WWOX: variants seen among roughly 807,000 people sequenced by gnomAD.
The protein encoded by WWOX is WW domain-containing oxidoreductase.
In WWOX, 69 loss-of-function variants were observed where a neutral mutation model predicts 46.2. That is an observed-to-expected ratio of 1.49 (90% CI 1.23 to 1.82). WWOX has a LOEUF of 1.82. WWOX is among the 40% of genes most tolerant of loss of function. The probability of loss-of-function intolerance (pLI) is 0.00; values close to 1 mark genes in which losing one functional copy is unlikely to be tolerated. For missense variants in WWOX, 919 were observed against 542.6 expected (o/e 1.69, Z -6.89); for synonymous variants, 359 against 202.6 (o/e 1.77, Z -6.56).
chr16:78,695,538 C>T (rs544699097), intron 8 of WWOX, among the ~76,000 whole-genome samples: 1 of 152,156 alleles, frequency 6.6e-6, no homozygotes, highest in Non-Finnish European at 1.5e-5. Context: ...GCAGATCCCA[C>T]CTGTGAGGCT....
chr16:78,228,349 T>C lies in WWOX; in HGVS notation c.516+64060T>C, dbSNP rs559776188. On this transcript the variant is annotated intron_variant, in intron 5 of 8. Transcript: ENST00000566780. ...GGAATCATATTCTCTCTTTTTTTTT[T>C]TTTTTTTTTTTGGAGATGGTCTCAC... Among the ~76,000 whole-genome samples, 3 of 149,548 alleles carry C rather than the reference T, an allele frequency of 2.0e-5. No homozygotes were observed. The East Asian group carries it at 5.9e-4, about 30-fold the overall frequency.
At chr16:78,786,846 T>C (rs2050469840) in intron 8 of WWOX, among the ~76,000 whole-genome samples, 1 of 152,244 alleles carries the variant, frequency 6.6e-6, no homozygotes, top group Admixed American at 6.5e-5. Context: ...ATTTACATAA[T>C]GTAAAATTTA....
rs192413317 is a variant in WWOX at position 79,145,795 on chromosome 16, C to G, written c.1057-65813C>G. ...ATATATACAAATTAGCTGGTATATACTAGTTATAATTTAAGATGGAGATAG... is the reference window on the plus strand; with the variant it reads ...ATATATACAAATTAGCTGGTATATAGTAGTTATAATTTAAGATGGAGATAG... On this transcript the variant is annotated intron_variant, in intron 8 of 8. Coordinates refer to ENST00000566780, the MANE Select transcript of WWOX (RefSeq NM_016373.4). Among the ~76,000 whole-genome samples, 10 of 152,084 alleles carry G rather than the reference C, an allele frequency of 6.6e-5. No homozygotes were observed. In the East Asian group the frequency reaches 1.7e-3, roughly 26 times the overall value.
intron 8 of WWOX, among the ~76,000 whole-genome samples, chr16:78,481,862 C>G (rs554429393): frequency 2.1e-4 from 32 of 150,932 alleles, no homozygotes; most frequent in Non-Finnish European, 4.2e-4. Context: ...TATTAATCTT[C>G]TTGGGGCTGG....
intron 8 of WWOX, among the ~76,000 whole-genome samples, chr16:79,029,484 T>C (rs901078815): frequency 2.0e-5 from 3 of 152,230 alleles, no homozygotes; most frequent in East Asian, 3.8e-4. Context: ...TCTGAAGTTA[T>C]ACTATTTTAG....
intron 5 of WWOX, among the ~76,000 whole-genome samples, chr16:78,212,155 A>G (rs566644715): frequency 1.6e-4 from 24 of 152,316 alleles, no homozygotes; most frequent in African/African-American, 5.5e-4. Context: ...ACCTGGCCTC[A>G]GCTGTAGAGC....
intron 8 of WWOX, among the ~76,000 whole-genome samples, chr16:78,853,880 T>C (rs2052508297): frequency 6.6e-6 from 1 of 152,160 alleles, no homozygotes; most frequent in Non-Finnish European, 1.5e-5. Flanking sequence ...TGTCTGTCTG[T>C]CATATGAAGA....
At chr16:78,772,225 G>T (rs62038568) in intron 8 of WWOX, among the ~76,000 whole-genome samples, 12 of 152,148 alleles carry the variant, frequency 7.9e-5, no homozygotes, top group African/African-American at 2.7e-4. Flanking sequence ...CCCAGTGTCT[G>T]TTGTTCTTTC....
intron 8 of WWOX, among the ~76,000 whole-genome samples, chr16:79,042,493 T>C (rs75333298): frequency 0.011 from 1,716 of 152,304 alleles, 35 homozygotes; most frequent in African/African-American, 0.039. Context: ...CCTGATCCTA[T>C]TCGCATGATA....
At chr16:78,416,875 G>T (rs950181091) in intron 6 of WWOX, among the ~76,000 whole-genome samples, 7 of 152,176 alleles carry the variant, frequency 4.6e-5, no homozygotes, top group Non-Finnish European at 7.3e-5. Flanking sequence ...GTTTACAGGG[G>T]AGGACACAGA....
chr16:78,785,209 C>T (rs16948473), intron 8 of WWOX, among the ~76,000 whole-genome samples: 24,464 of 152,190 alleles, frequency 0.16, 2,217 homozygotes, highest in East Asian at 0.23. Context: ...CTTTTGCTAG[C>T]AGGCGCTCTC....
chr16:78,866,772 G>C (rs1418768978), intron 8 of WWOX, among the ~76,000 whole-genome samples: 2 of 152,174 alleles, frequency 1.3e-5, no homozygotes, highest in Admixed American at 6.5e-5. Flanking sequence ...CCAGGGAATT[G>C]GGGACAGTCT....
At chr16:78,339,669 C>G (rs78071806) in intron 5 of WWOX, among the ~76,000 whole-genome samples, 2,820 of 118,798 alleles carry the variant, frequency 0.024, 660 homozygotes, top group African/African-American at 0.074. Flanking sequence ...GTTTCTGTTC[C>G]ATCCTCATTT....
chr16:78,114,870 C>A, intron 3 of WWOX, 106 bp from the exon 4 acceptor site: 1 of 1,421,550 alleles, frequency 7.0e-7, no homozygotes. Context: ...AAGGAATAAG[C>A]ATTTTGGTCT....
chr16:78,946,355 A>T (rs1433656529), intron 8 of WWOX, among the ~76,000 whole-genome samples: 1 of 151,848 alleles, frequency 6.6e-6, no homozygotes, highest in Non-Finnish European at 1.5e-5. Flanking sequence ...ATGCCCAGCT[A>T]ATTTTTTGTA....
At chr16:78,183,171 A>T (rs1246019905) in intron 5 of WWOX, among the ~76,000 whole-genome samples, 1 of 152,028 alleles carries the variant, frequency 6.6e-6, no homozygotes, top group African/African-American at 2.4e-5. Context: ...GGTATGCGAG[A>T]CGTTGTCCTT....
At chr16:79,021,267 C>G (rs1040859105) in intron 8 of WWOX, among the ~76,000 whole-genome samples, 2 of 152,126 alleles carry the variant, frequency 1.3e-5, no homozygotes, top group African/African-American at 4.8e-5. Context: ...TATTTGGGCT[C>G]TACAAGGTGC....
chr16:78,336,557 G>T (rs1026155114), intron 5 of WWOX, among the ~76,000 whole-genome samples: 1 of 150,380 alleles, frequency 6.6e-6, no homozygotes, highest in African/African-American at 2.5e-5. Flanking sequence ...AACAGAGGGA[G>T]CAAAGGAGTC....
chr16:78,767,478 GTGTC>G (rs1197147536), intron 8 of WWOX, among the ~76,000 whole-genome samples: 2,101 of 98,058 alleles, frequency 0.021, 42 homozygotes, highest in African/African-American at 0.078. Context: ...GAGTGTGTGT[GTGTC>G]TGTGTGTGTG....
Sources: gnomAD v4.1 joint callset for allele counts (sites outside exome capture counted in the v4.1 genomes callset) on GRCh38, gnomAD v4.1.1 for gene constraint, MANE v1.5 for transcripts, NCBI Gene and HGNC (gene_info 2026-07-23, HGNC 2026-07-21) for gene names.